PANK2: variants seen among roughly 807,000 people sequenced by gnomAD.
PANK2 encodes the protein pantothenate kinase 2, also known as pantothenate kinase 2, mitochondrial.
PANK2 carries 36 observed loss-of-function variants against 43.1 expected under a neutral mutation model. The observed-to-expected ratio is 0.84, with a 90% CI of 0.64 to 1.10. The LOEUF is 1.10. PANK2 is among the 50% of genes least tolerant of loss of function. The probability of loss-of-function intolerance (pLI) is 0.00; values close to 1 mark genes in which losing one functional copy is unlikely to be tolerated. For missense variants in PANK2, 576 were observed against 593.3 expected, an observed-to-expected ratio of 0.97 and a Z score of 0.30; for synonymous variants, 281 against 238.2, an observed-to-expected ratio of 1.18 and a Z score of -1.66.
rs1351458129 is a variant in PANK2 at position 3,892,821 on chromosome 20, G to A, written c.298+3093G>A. On this transcript the variant is annotated intron_variant, in intron 1 of 6. Coordinates refer to ENST00000610179, the MANE Select transcript of PANK2 (RefSeq NM_001386393.1). ...CCTGGTTGTAGTCGTGTTCTGTCAC[G>A]CGTTTCCTAGAGCAGTGTAGTTCCC... Among the ~76,000 whole-genome samples, 6 of 152,130 alleles carry A rather than the reference G, an allele frequency of 3.9e-5. No individual in the cohort carries two copies. The East Asian group carries it at 1.2e-3, about 29-fold the overall frequency.
upstream of PANK2, chr20:3,888,922 C>A: frequency 3.5e-6 from 2 of 578,096 alleles, no homozygotes; most frequent in South Asian, 4.8e-5. Flanking sequence ...GCGGTTCAAG[C>A]CCTTTCGTCT....
intron 4 of PANK2, among the ~76,000 whole-genome samples, chr20:3,913,669 A>G (rs1381727332): frequency 2.0e-5 from 3 of 150,056 alleles, no homozygotes; most frequent in East Asian, 3.9e-4. Context: ...ATAATACTAC[A>G]TTTTATCCAT....
At position 3,923,871 on chromosome 20, in the gene PANK2, A is replaced by G. The variant is rs1396785435; in HGVS notation, c.*577A>G. On this transcript the variant is annotated 3_prime_UTR_variant, in exon 7 of 7. Coordinates refer to ENST00000610179, the MANE Select transcript of PANK2 (RefSeq NM_001386393.1). ...TGGAAGGGCAGTTCCACGTTACTTTACACTAAATCCTGGGAATGAATGTCT... is the reference window on the plus strand; with the variant it reads ...TGGAAGGGCAGTTCCACGTTACTTTGCACTAAATCCTGGGAATGAATGTCT... 6.4e-6 allele frequency: 1 copy of G among 156,340 alleles called. No homozygotes were observed. The highest frequency in any genetic ancestry group is 1.4e-5 in the Non-Finnish European group (1 of 70,492). The allele number at this position is 156,340 out of a possible 1,614,324, so 9.7% of individuals were successfully genotyped here.
Position 3,889,762 on chromosome 20 carries a change from C to T in PANK2, c.298+34C>T, listed in dbSNP as rs191346287. The T allele has an allele frequency of 3.6e-3, 5,666 of 1,582,694 alleles. 318 individuals are homozygous for T. The Admixed American group carries it at 0.09, about 25-fold the overall frequency. Reference sequence around the variant, plus strand: ...TCCGTGGGGCGCCCTCCCGGCCCGCCCTGCCCCCCCTTCCGGCCCACCCTG... The same window carrying T: ...TCCGTGGGGCGCCCTCCCGGCCCGCTCTGCCCCCCCTTCCGGCCCACCCTG... On this transcript the variant is annotated intron_variant, in intron 1 of 6. Coordinates refer to ENST00000610179, the MANE Select transcript of PANK2 (RefSeq NM_001386393.1).
intron 4 of PANK2, among the ~76,000 whole-genome samples, chr20:3,915,108 T>A (rs2090537018): frequency 6.6e-6 from 1 of 152,230 alleles, no homozygotes. Context: ...TGGTGTCCTT[T>A]GCAGCATGGA....
chr20:3,908,122 G>A lies in PANK2; in HGVS notation c.495G>A (p.Leu165=). The change falls in exon 2 of 7, where the codon CTG becomes CTA. Residue 165 remains leucine, a synonymous_variant. Coordinates refer to ENST00000610179, the MANE Select transcript of PANK2 (RefSeq NM_001386393.1). The stretch of plus-strand genomic sequence containing the variant: ...ACCTCGAGCTGAAGGACCTGACTCT[G>A]TGTGGACGCAAAGGCAATCTGCACT... 1 of 1,614,144 alleles carries A rather than the reference G, an allele frequency of 6.2e-7. No homozygotes were observed. Among genetic ancestry groups the A allele is most frequent in the Non-Finnish European group, 8.5e-7 (1 of 1,179,986 alleles).
intron 1 of PANK2, among the ~76,000 whole-genome samples, chr20:3,899,625 G>A (rs982434492): frequency 2.6e-5 from 4 of 151,272 alleles, no homozygotes; most frequent in Non-Finnish European, 4.4e-5. Context: ...ACTTGTAGAT[G>A]TGTCAGTTTC....
In PANK2 at chr20:3,907,601, G is replaced by T. The variant is rs58531959; in HGVS notation, c.299-325G>T. On this transcript the variant is annotated intron_variant, in intron 1 of 6. Transcript: ENST00000610179. ...GATAGGAAAGAGAGATTTTCATTCT[G>T]AATCTTTGTTTTTCACAGTTGAGGC... Among the ~76,000 whole-genome samples the T allele has an allele frequency of 5.5e-3, 842 of 152,132 alleles. 6 individuals are homozygous for T. Among genetic ancestry groups the T allele is most frequent in the African/African-American group, 0.019 (780 of 41,492 alleles).
intron 2 of PANK2, chr20:3,909,036 CTG>C (rs1365291392): frequency 6.6e-6 from 1 of 152,230 alleles, no homozygotes; most frequent in Admixed American, 6.6e-5. Flanking sequence ...CAGTGACTGA[CTG>C]TTTTTCTGTT....
intron 6 of PANK2, among the ~76,000 whole-genome samples, chr20:3,922,676 A>C (rs2090664532): frequency 1.4e-5 from 2 of 143,780 alleles, no homozygotes; most frequent in African/African-American, 2.6e-5. Flanking sequence ...CACACCTCTT[A>C]CTCCTGTGTC....
At chr20:3,913,788 ATATTTT>A (rs1414537880) in intron 4 of PANK2, among the ~76,000 whole-genome samples, 27 of 132,834 alleles carry the variant, frequency 2.0e-4, no homozygotes, top group African/African-American at 7.2e-4. Flanking sequence ...ATATATATAT[ATATTTT>A]TTTTTTTTTT....
At chr20:3,889,858 G>C in intron 1 of PANK2, 130 bp downstream of exon 1, 1 of 1,533,544 alleles carries the variant, frequency 6.5e-7, no homozygotes, top group Non-Finnish European at 8.7e-7. Context: ...CCTCGTTGGT[G>C]CGTGGCCTGA....
intron 1 of PANK2, among the ~76,000 whole-genome samples, chr20:3,907,580 G>A (rs2090407014): frequency 6.6e-6 from 1 of 152,108 alleles, no homozygotes. Context: ...TAAGCCGATA[G>A]GAAAGAGAGA....
intron 1 of PANK2, chr20:3,890,030 ATTTT>A: frequency 2.0e-6 from 2 of 988,366 alleles, no homozygotes; most frequent in African/African-American, 1.7e-5. Flanking sequence ...GGGTCACATG[ATTTT>A]ATCCTCGAGA....
intron 1 of PANK2, among the ~76,000 whole-genome samples, chr20:3,892,655 G>A (rs917735728): frequency 6.4e-5 from 8 of 124,032 alleles, no homozygotes; most frequent in Admixed American, 1.1e-4. Context: ...CAGCCTGGGC[G>A]ACAGAGCGAC....
At chr20:3,921,904 G>C (rs2090653040) in intron 6 of PANK2, 1 of 152,114 alleles carries the variant, frequency 6.6e-6, no homozygotes, top group South Asian at 2.1e-4. Flanking sequence ...AGAGACACGG[G>C]GTTTGCCATA....
At chr20:3,916,163 T>G (rs1325241862) in intron 4 of PANK2, among the ~76,000 whole-genome samples, 1 of 152,260 alleles carries the variant, frequency 6.6e-6, no homozygotes, top group Non-Finnish European at 1.5e-5. Flanking sequence ...GTGTTAATAC[T>G]TTTGTTAGAT....
At chr20:3,920,966 C>T (rs1278063857) in intron 6 of PANK2, among the ~76,000 whole-genome samples, 1 of 152,106 alleles carries the variant, frequency 6.6e-6, no homozygotes, top group Non-Finnish European at 1.5e-5. Context: ...CTTAGCTTTG[C>T]TGGTCCATTT....
intron 4 of PANK2, among the ~76,000 whole-genome samples, chr20:3,913,965 A>AT (rs902921516): frequency 1.1e-3 from 161 of 151,146 alleles, no homozygotes; most frequent in African/African-American, 3.6e-3. Flanking sequence ...TTTTTTTTGT[A>AT]TTTTTAGCAG....
Sources: allele counts gnomAD v4.1 joint callset (sites outside exome capture counted in the v4.1 genomes callset), GRCh38; gene constraint gnomAD v4.1.1; transcripts MANE v1.5; gene names NCBI Gene and HGNC (gene_info 2026-07-23, HGNC 2026-07-21).